FAM178B: variants seen among roughly 807,000 people sequenced by gnomAD.
FAM178B encodes family with sequence similarity 178 member B.
Under a neutral mutation model 91.7 loss-of-function variants are expected in FAM178B, and 82 were observed. The ratio of observed to expected loss-of-function variants is 0.89; its 90% CI spans 0.75 to 1.07. FAM178B has a LOEUF of 1.07. Ranked by LOEUF, FAM178B falls within the 50% of genes least tolerant of loss-of-function variation. FAM178B has a pLI of 0.00. For missense variants in FAM178B, 769 were observed against 846.7 expected (o/e 0.91, Z 1.14); for synonymous variants, 368 against 359.4 (o/e 1.02, Z -0.27).
chr2:96,924,393 G>C (rs1435875951), intron 9 of FAM178B, among the ~76,000 whole-genome samples: 1 of 152,222 alleles, frequency 6.6e-6, no homozygotes, highest in African/African-American at 2.4e-5. Context: ...CTGATGTGCT[G>C]TCTGCTGATA....
intron 10 of FAM178B, 22 bp from the exon 11 acceptor site, chr2:96,921,676 G>A: frequency 1.3e-6 from 2 of 1,549,922 alleles, no homozygotes; most frequent in Non-Finnish European, 1.7e-6. Context: ...AAAGAGGGCA[G>A]GGGTGGCCAG....
intron 12 of FAM178B, 30 bp from the exon 13 acceptor site, chr2:96,902,737 G>A (rs2080958087): frequency 6.6e-7 from 1 of 1,522,126 alleles, no homozygotes; most frequent in Non-Finnish European, 8.9e-7. Context: ...CTGAGAGAGG[G>A]TGTGCTGGAA....
intron 13 of FAM178B, among the ~76,000 whole-genome samples, chr2:96,899,961 C>T (rs541124713): frequency 6.6e-6 from 1 of 150,910 alleles, no homozygotes; most frequent in East Asian, 2.0e-4. Context: ...CTGGGCCCAA[C>T]GACCCAGCCC....
chr2:96,972,247 T>C lies in FAM178B; in HGVS notation c.218A>G (p.Gln73Arg). 1.3e-6 allele frequency: 2 copies of C among 1,516,840 alleles called. No individual in the cohort carries two copies. The highest frequency in any genetic ancestry group is 1.8e-6 in the Non-Finnish European group (2 of 1,132,610). 94.0% of individuals were successfully genotyped at this position (1,516,840 alleles called of 1,614,324 possible). A position where few individuals can be genotyped will look rare whatever the true frequency, so the allele number is the denominator to read the frequency against. The change falls in exon 3 of 17, where the codon CAG becomes CGG. Residue 73 changes from glutamine (Q) to arginine (R), a missense_variant. Physicochemically the swap from Gln to Arg is conservative, Grantham distance 43. Coordinates refer to ENST00000490605, the MANE Select transcript of FAM178B (RefSeq NM_001122646.3). ...EDGLSDHPLD[Q>R]GPRCPARRPC... ...CCGCCGGGCAGGGCAGCGGGGCCCC[T>C]GGTCCAGGGGATGGTCTGACAAGCC...
chr2:96,901,181 T>TC (rs2080921428), intron 13 of FAM178B, among the ~76,000 whole-genome samples: 1 of 150,318 alleles, frequency 6.7e-6, no homozygotes, highest in South Asian at 2.1e-4. Flanking sequence ...TTTTTCTTTT[T>TC]TTTTTTTTTT....
At chr2:96,979,035 G>A (rs1162946209) in intron 1 of FAM178B, among the ~76,000 whole-genome samples, 3 of 144,964 alleles carry the variant, frequency 2.1e-5, no homozygotes, top group Non-Finnish European at 4.5e-5. Flanking sequence ...GGAGTGCAGT[G>A]GTGTGATCTC....
In FAM178B at chr2:96,914,341, G is replaced by A. The variant is rs188111389; in HGVS notation, c.1562+6824C>T. ...GAGAAGGGGGGAGTCTCCTACCAACGTGCGGGCATGAGGGAGGGTGGGCAT... is the reference window on the plus strand; with the variant it reads ...GAGAAGGGGGGAGTCTCCTACCAACATGCGGGCATGAGGGAGGGTGGGCAT... On this transcript the variant is annotated intron_variant, in intron 12 of 16. Coordinates refer to ENST00000490605, the MANE Select transcript of FAM178B (RefSeq NM_001122646.3). 8.5e-5 allele frequency among the ~76,000 whole-genome samples: 13 copies of A among 152,314 alleles called. No homozygotes were observed. In the East Asian group the frequency reaches 1.9e-3, roughly 23 times the overall value.
chr2:96,972,916 C>T (rs2082242451), intron 1 of FAM178B, among the ~76,000 whole-genome samples: 1 of 151,846 alleles, frequency 6.6e-6, no homozygotes, highest in Non-Finnish European at 1.5e-5. Flanking sequence ...CTCCTGGGTT[C>T]AAGCGATTCT....
intron 6 of FAM178B, among the ~76,000 whole-genome samples, chr2:96,959,922 C>G (rs1015410329): frequency 6.6e-6 from 1 of 152,166 alleles, no homozygotes; most frequent in Admixed American, 6.6e-5. Context: ...TGGAAGGGCC[C>G]ATCACGTGCC....
At chr2:96,983,636 G>A (rs2082389299) in intron 1 of FAM178B, among the ~76,000 whole-genome samples, 1 of 152,072 alleles carries the variant, frequency 6.6e-6, no homozygotes, top group East Asian at 1.9e-4. Context: ...TGTTGCCCAG[G>A]CTGGTCTCAA....
At chr2:96,934,143 T>C (rs2081587245) in intron 8 of FAM178B, among the ~76,000 whole-genome samples, 1 of 152,212 alleles carries the variant, frequency 6.6e-6, no homozygotes, top group Non-Finnish European at 1.5e-5. Context: ...AGCCCTGCTC[T>C]CGGGTTGTTG....
chr2:96,953,803 C>T (rs1227585175), intron 6 of FAM178B, among the ~76,000 whole-genome samples: 2 of 152,220 alleles, frequency 1.3e-5, no homozygotes, highest in African/African-American at 4.8e-5. Flanking sequence ...AGCCCTTCCA[C>T]GCCCTTCAGG....
chr2:96,949,392 T>C (rs2081887548), intron 7 of FAM178B, among the ~76,000 whole-genome samples: 1 of 152,168 alleles, frequency 6.6e-6, no homozygotes, highest in Non-Finnish European at 1.5e-5. Flanking sequence ...CCTCTTAGCC[T>C]AACCAGATTC....
intron 8 of FAM178B, among the ~76,000 whole-genome samples, chr2:96,933,266 A>T (rs1370550180): frequency 1.7e-4 from 26 of 152,098 alleles, no homozygotes; most frequent in Non-Finnish European, 3.7e-4. Context: ...AAAAAAAATT[A>T]AAAAAATTTG....
chr2:96,884,386 G>A (rs1311129673), intron 14 of FAM178B, among the ~76,000 whole-genome samples: 4 of 152,208 alleles, frequency 2.6e-5, no homozygotes, highest in African/African-American at 7.2e-5. Flanking sequence ...AAGGGTCCAC[G>A]GGCCTCCTAT....
At chr2:96,969,393 A>G (rs2082187355) in intron 4 of FAM178B, among the ~76,000 whole-genome samples, 1 of 152,362 alleles carries the variant, frequency 6.6e-6, no homozygotes, top group Middle Eastern at 3.4e-3. Flanking sequence ...ACGTGAGGAC[A>G]CAGCAAGAAG....
chr2:96,935,127 TAG>T (rs1467609012), intron 8 of FAM178B, among the ~76,000 whole-genome samples: 2 of 152,146 alleles, frequency 1.3e-5, no homozygotes, highest in East Asian at 1.9e-4. Context: ...CTGCTAGAAT[TAG>T]GTTTGGCTAC....
At chr2:96,913,980 T>C (rs1485710089) in intron 12 of FAM178B, among the ~76,000 whole-genome samples, 11 of 152,212 alleles carry the variant, frequency 7.2e-5, no homozygotes, top group Non-Finnish European at 1.6e-4. Context: ...CAAACCTCAA[T>C]GTATTTCCAT....
intron 8 of FAM178B, among the ~76,000 whole-genome samples, chr2:96,943,299 T>G (rs140504653): frequency 3.3e-5 from 5 of 152,336 alleles, no homozygotes; most frequent in African/African-American, 1.2e-4. Context: ...TTCCCCTATC[T>G]CCTGGCAACT....
Sources: allele counts gnomAD v4.1 joint callset (sites outside exome capture counted in the v4.1 genomes callset), GRCh38; gene constraint gnomAD v4.1.1; transcripts MANE v1.5; gene names NCBI Gene and HGNC (gene_info 2026-07-23, HGNC 2026-07-21).